CACNA2D4: variants seen among roughly 807,000 people sequenced by gnomAD.
CACNA2D4 encodes the protein calcium voltage-gated channel auxiliary subunit alpha2delta 4, also known as voltage-dependent calcium channel subunit alpha-2/delta-4.
In CACNA2D4, 157 loss-of-function variants were observed where a neutral mutation model predicts 163.8. The ratio of observed to expected loss-of-function variants is 0.96; its 90% CI spans 0.84 to 1.09. The LOEUF (loss-of-function observed/expected upper bound fraction) is 1.09. Among genes scored for constraint, CACNA2D4 ranks in the 50% least tolerant of loss-of-function variants. The probability of loss-of-function intolerance (pLI) is 0.00; values close to 1 mark genes in which losing one functional copy is unlikely to be tolerated. For synonymous variants in CACNA2D4, 598 were observed against 586.9 expected (o/e 1.02, Z -0.27); for missense variants, 1,410 against 1,479.9 (o/e 0.95, Z 0.78).
At chr12:1,863,967 G>A (rs1203765791) in intron 18 of CACNA2D4, among the ~76,000 whole-genome samples, 2 of 152,116 alleles carry the variant, frequency 1.3e-5, no homozygotes, top group African/African-American at 4.8e-5. Context: ...GCAGAGTTTC[G>A]GAAATGCGGG....
chr12:1,911,766 A>G (rs911612276), intron 3 of CACNA2D4, among the ~76,000 whole-genome samples: 6 of 152,116 alleles, frequency 3.9e-5, no homozygotes, highest in African/African-American at 7.2e-5. Context: ...TGCTCTAGTG[A>G]CACAAGGACC....
chr12:1,853,588 T>G (rs1306080222), intron 23 of CACNA2D4, among the ~76,000 whole-genome samples: 1 of 151,900 alleles, frequency 6.6e-6, no homozygotes, highest in Non-Finnish European at 1.5e-5. Context: ...CTAAACACAA[T>G]AGTATCAGGA....
chr12:1,918,352 G>A lies in CACNA2D4; in HGVS notation c.122C>T (p.Pro41Leu). The A allele has an allele frequency of 6.2e-7, 1 of 1,607,630 alleles. No homozygotes were observed. Among genetic ancestry groups the A allele is most frequent in the East Asian group, 2.2e-5 (1 of 44,686 alleles). Reference protein sequence around the residue: ...SSRWIPLQPMPVAWAFVQKTS... With the variant: ...SSRWIPLQPMLVAWAFVQKTS... ...CTTCTGCACAAAGGCCCAGGCCACGGGCATTGGCTGGAGGGGAATCCAGCG... is the reference window on the plus strand; with the variant it reads ...CTTCTGCACAAAGGCCCAGGCCACGAGCATTGGCTGGAGGGGAATCCAGCG... Residue 41 changes from proline (P) to leucine (L), a missense_variant, in exon 1 of 38, where the codon CCC (proline) becomes CTC (leucine). By Grantham distance (98) the Pro-to-Leu change is moderately conservative. Coordinates refer to ENST00000382722, the MANE Select transcript of CACNA2D4 (RefSeq NM_172364.5).
chr12:1,819,100 G>A (rs1863992876), intron 26 of CACNA2D4, among the ~76,000 whole-genome samples: 1 of 152,164 alleles, frequency 6.6e-6, no homozygotes, highest in Non-Finnish European at 1.5e-5. Flanking sequence ...CGGAGGAGGA[G>A]CAGGGCCAGT....
intron 20 of CACNA2D4, among the ~76,000 whole-genome samples, chr12:1,856,531 C>T (rs962751001): frequency 6.6e-6 from 1 of 152,240 alleles, no homozygotes; most frequent in Non-Finnish European, 1.5e-5. Context: ...GCCCTCATGC[C>T]CCTCCTCCCC....
At chr12:1,858,695 T>C (rs1307990958) in intron 19 of CACNA2D4, 51 bp from the exon 20 acceptor site, 1 of 1,472,110 alleles carries the variant, frequency 6.8e-7, no homozygotes, top group Non-Finnish European at 9.3e-7. Flanking sequence ...GATGCCGGCC[T>C]GTCTCCCGGG....
intron 18 of CACNA2D4, among the ~76,000 whole-genome samples, chr12:1,860,529 T>C (rs147556491): frequency 6.6e-6 from 1 of 152,374 alleles, no homozygotes; most frequent in East Asian, 1.9e-4. Context: ...AGATTTTAGT[T>C]GGCATAAATT....
rs531886246 is a variant in CACNA2D4, at chr12:1,917,152, T to C, written c.227+1095A>G. On this transcript the variant is annotated intron_variant, in intron 1 of 37. Transcript: ENST00000382722. The surrounding 1 kb of genome is among the most constrained non-coding windows in gnomAD (Gnocchi z 4.3). The stretch of plus-strand genomic sequence containing the variant: ...TTCAAATCCCAGCACCTTCACTTCC[T>C]GGCCTTGTGAACTTGGGGAAGTCAC... Among the ~76,000 whole-genome samples the C allele has an allele frequency of 1.1e-4, 16 of 152,312 alleles. No individual in the cohort carries two copies. Among genetic ancestry groups the C allele is most frequent in the African/African-American group, 3.8e-4 (16 of 41,570 alleles).
rs767183420 is a variant in CACNA2D4, at chr12:1,810,309, C to T, written c.2690G>A (p.Gly897Glu). 3.7e-6 allele frequency: 6 copies of T among 1,613,976 alleles called. No homozygotes were observed. ...GGACCTCTTGGAGATCAGAATGAACCCGTTGTTGTCGATGACGAAGCAGTC... is the reference window on the plus strand; with the variant it reads ...GGACCTCTTGGAGATCAGAATGAACTCGTTGTTGTCGATGACGAAGCAGTC... ...DLDCFVIDNN[G>E]FILISKRSRE... The change falls in exon 29 of 38, where the codon GGG (glycine) becomes GAG (glutamate). Residue 897 changes from glycine (G) to glutamate (E), a missense_variant. Gly to Glu is a moderately conservative substitution (Grantham distance 98). Coordinates refer to ENST00000382722, the MANE Select transcript of CACNA2D4 (RefSeq NM_172364.5).
chr12:1,899,157 G>C (rs1396997923), intron 6 of CACNA2D4, among the ~76,000 whole-genome samples: 7 of 152,078 alleles, frequency 4.6e-5, no homozygotes, highest in Admixed American at 4.6e-4. Context: ...CAAAACCTGT[G>C]AGATGCAGCA....
intron 35 of CACNA2D4, among the ~76,000 whole-genome samples, chr12:1,796,589 C>G (rs920612356): frequency 1.3e-5 from 2 of 152,252 alleles, no homozygotes; most frequent in Non-Finnish European, 1.5e-5. Context: ...ACAGGGAACG[C>G]TAACCCCAGC....
chr12:1,800,210 CA>C, intron 32 of CACNA2D4, 158 bp from the exon 33 acceptor site: 1 of 947,074 alleles, frequency 1.1e-6, no homozygotes, highest in Non-Finnish European at 1.6e-6. Flanking sequence ...AGGTCCCTCC[CA>C]GGGGCAGCAT....
chr12:1,870,527 G>C (rs1000455799), intron 18 of CACNA2D4, among the ~76,000 whole-genome samples: 1 of 151,860 alleles, frequency 6.6e-6, no homozygotes, highest in Non-Finnish European at 1.5e-5. Flanking sequence ...TTGGGAAAAA[G>C]AGCCATCAAA....
At chr12:1,845,962 G>T (rs1461685500) in intron 24 of CACNA2D4, among the ~76,000 whole-genome samples, 1 of 152,192 alleles carries the variant, frequency 6.6e-6, no homozygotes, top group Non-Finnish European at 1.5e-5. Context: ...ATCACCCCCA[G>T]TTGAACATTC....
At chr12:1,817,405 CG>C (rs1249433860) in intron 26 of CACNA2D4, among the ~76,000 whole-genome samples, 2 of 152,176 alleles carry the variant, frequency 1.3e-5, no homozygotes, top group African/African-American at 2.4e-5. Context: ...CTGAAGGACA[CG>C]GAACAGGTGA....
chr12:1,853,385 T>C (rs925182955), intron 23 of CACNA2D4, among the ~76,000 whole-genome samples: 2 of 152,324 alleles, frequency 1.3e-5, no homozygotes, highest in Non-Finnish European at 2.9e-5. Flanking sequence ...TATCTAATTA[T>C]GTGCTTAAAT....
At chr12:1,826,502 C>T (rs1167744775) in intron 26 of CACNA2D4, among the ~76,000 whole-genome samples, 1 of 151,872 alleles carries the variant, frequency 6.6e-6, no homozygotes, top group Non-Finnish European at 1.5e-5. Context: ...GGGGCTCCTC[C>T]ACCCCTCATG....
rs193140889 is a variant in CACNA2D4, at chr12:1,899,418, G to T, written c.781+8022C>A. On this transcript the variant is annotated intron_variant, in intron 6 of 37. Transcript: ENST00000382722. ...CTAACAAAATAAAGAAATCTATAGG[G>T]AATTGGAAAGAAAAAATGCATAATA... 1.2e-3 allele frequency among the ~76,000 whole-genome samples: 186 copies of T among 152,066 alleles called. 1 individual carries two copies. Among genetic ancestry groups the T allele is most frequent in the African/African-American group, 4.5e-3 (185 of 41,526 alleles).
At chr12:1,838,679 T>C (rs1273462784) in intron 26 of CACNA2D4, among the ~76,000 whole-genome samples, 1 of 152,174 alleles carries the variant, frequency 6.6e-6, no homozygotes, top group South Asian at 2.1e-4. Context: ...AATTCAGCTC[T>C]GAGTTAAAAA....
Sources: gnomAD v4.1 joint callset for allele counts (sites outside exome capture counted in the v4.1 genomes callset) on GRCh38, gnomAD v4.1.1 for gene constraint, Gnocchi (gnomAD v3.1) non-coding constraint, MANE v1.5 for transcripts, NCBI Gene and HGNC (gene_info 2026-07-23, HGNC 2026-07-21) for gene names.